Variants in DNAH17 observed in about 807,000 individuals in gnomAD.
DNAH17 encodes axonemal beta dynein heavy chain 17.
Under a neutral mutation model 485.6 loss-of-function variants are expected in DNAH17, and 376 were observed. The observed-to-expected ratio is 0.77, with a 90% CI of 0.71 to 0.84. The LOEUF is 0.84. DNAH17 is among the 40% of genes least tolerant of loss of function. The probability of loss-of-function intolerance (pLI) is 0.00; values close to 1 mark genes in which losing one functional copy is unlikely to be tolerated. For synonymous variants in DNAH17, 3,031 were observed against 2,405.9 expected, an observed-to-expected ratio of 1.26 and a Z score of -7.60; for missense variants, 6,370 against 5,839.3, an observed-to-expected ratio of 1.09 and a Z score of -2.96.
At chr17:78,448,776 C>T (rs4969189) in intron 69 of DNAH17, among the ~76,000 whole-genome samples, 84,169 of 152,010 alleles carry the variant, frequency 0.55, 24,677 homozygotes, top group Admixed American at 0.7. Flanking sequence ...GAGTTTGGCC[C>T]GTTTTGTGCT....
chr17:78,567,363 G>GGGAT (rs1212886936), intron 9 of DNAH17, among the ~76,000 whole-genome samples, 197 bp from the exon 10 acceptor site: 5 of 152,054 alleles, frequency 3.3e-5, no homozygotes, highest in African/African-American at 1.2e-4. Context: ...GCAGAAAGAG[G>GGGAT]GGATGGAAGG....
intron 54 of DNAH17, among the ~76,000 whole-genome samples, chr17:78,471,176 G>A (rs1328520089): frequency 5.3e-5 from 8 of 152,184 alleles, no homozygotes; most frequent in Admixed American, 2.0e-4. Flanking sequence ...TCCATCCTTC[G>A]GAAGCAAGTC....
chr17:78,495,224 T>C, intron 38 of DNAH17, 127 bp from the exon 39 acceptor site: 1 of 1,269,150 alleles, frequency 7.9e-7, no homozygotes, highest in East Asian at 2.6e-5. Context: ...GTGTTGAACC[T>C]TCGGTCCTGG....
At chr17:78,551,714 A>C in intron 15 of DNAH17, 76 bp from the exon 16 acceptor site, 31 of 1,449,746 alleles carry the variant, frequency 2.1e-5, no homozygotes, top group Non-Finnish European at 2.7e-5. Flanking sequence ...TTGTAATCTC[A>C]GCCCTTTGGG....
intron 1 of DNAH17, among the ~76,000 whole-genome samples, chr17:78,575,987 G>A (rs934103706): frequency 3.9e-5 from 6 of 152,330 alleles, no homozygotes; most frequent in African/African-American, 1.4e-4. Flanking sequence ...GCAAAGGGTC[G>A]CCTGATGCTG....
chr17:78,433,327 G>A (rs2086746602), intron 75 of DNAH17, among the ~76,000 whole-genome samples: 1 of 152,198 alleles, frequency 6.6e-6, no homozygotes, highest in Non-Finnish European at 1.5e-5. Context: ...GGTACGTGCT[G>A]CTTACAGAGG....
At chr17:78,555,064 T>C (rs1186627192) in intron 14 of DNAH17, among the ~76,000 whole-genome samples, 1 of 152,180 alleles carries the variant, frequency 6.6e-6, no homozygotes, top group African/African-American at 2.4e-5. Context: ...GTGCTTTAAA[T>C]AGTGTACTTC....
intron 58 of DNAH17, 62 bp from the exon 59 acceptor site, chr17:78,460,319 T>C (rs1371618756): frequency 1.4e-6 from 2 of 1,441,410 alleles, no homozygotes; most frequent in Admixed American, 2.1e-5. Flanking sequence ...TGGGGGCGTG[T>C]ACGTGCATGT....
intron 9 of DNAH17, among the ~76,000 whole-genome samples, 162 bp from the exon 10 acceptor site, chr17:78,567,328 T>G (rs1416218750): frequency 6.6e-6 from 1 of 152,000 alleles, no homozygotes; most frequent in African/African-American, 2.4e-5. Flanking sequence ...TCTGTGCTGT[T>G]CTTTAAGCAA....
chr17:78,478,250 C>CATCACCATCACCAT (rs2089173960), intron 51 of DNAH17, among the ~76,000 whole-genome samples: 1 of 102,128 alleles, frequency 9.8e-6, no homozygotes, highest in African/African-American at 4.2e-5. Context: ...ATCATCACCA[C>CATCACCATCACCAT]CATCACCATT....
intron 52 of DNAH17, 166 bp from the exon 53 acceptor site, chr17:78,475,999 C>T (rs1952217265): frequency 7.1e-6 from 5 of 705,140 alleles, no homozygotes; most frequent in Middle Eastern, 2.9e-4. Flanking sequence ...CAGCAAACCA[C>T]TGGGGCAAAA....
At chr17:78,466,011 T>C (rs1247323369) in intron 56 of DNAH17, among the ~76,000 whole-genome samples, 1 of 152,004 alleles carries the variant, frequency 6.6e-6, no homozygotes. Context: ...GGGGAAGGGA[T>C]TGAGAAATCG....
At chr17:78,558,738 T>C (rs140852849) in intron 13 of DNAH17, among the ~76,000 whole-genome samples, 109 of 152,364 alleles carry the variant, frequency 7.2e-4, no homozygotes, top group African/African-American at 2.4e-3. Context: ...GGTCTTCACT[T>C]GTTTCCTCGC....
At chr17:78,462,772 T>A (rs2088201728) in intron 57 of DNAH17, 72 bp downstream of exon 57, 2 of 1,495,224 alleles carry the variant, frequency 1.3e-6, no homozygotes, top group Admixed American at 3.7e-5. Flanking sequence ...CGTGGATGCC[T>A]GTGACAGTAG....
At chr17:78,489,403 C>T (rs1180549523) in intron 44 of DNAH17, 1 of 152,346 alleles carries the variant, frequency 6.6e-6, no homozygotes, top group Non-Finnish European at 1.5e-5. Flanking sequence ...CAAGGCAGGA[C>T]TCGCCTCACT....
intron 77 of DNAH17, among the ~76,000 whole-genome samples, chr17:78,428,111 G>A (rs966312854): frequency 2.0e-5 from 3 of 152,164 alleles, no homozygotes; most frequent in African/African-American, 7.2e-5. Context: ...TGTGGCCACT[G>A]AGCGGCTCTG....
intron 19 of DNAH17, among the ~76,000 whole-genome samples, chr17:78,534,390 G>A (rs2091319314): frequency 6.6e-6 from 1 of 150,886 alleles, no homozygotes; most frequent in Non-Finnish European, 1.5e-5. Context: ...CCCTAGGGCT[G>A]GGCCGGGCCA....
rs1455323857 is a variant in DNAH17 at position 78,502,189 on chromosome 17, TAC to T, written c.5191-318_5191-317del. ...TATATTTTTACATATAAATCAATTA[TAC>T]ACACACAGAGTAACAGGTTGCATAA... On this transcript the variant is annotated intron_variant, in intron 33 of 80. Transcript: ENST00000389840. 8 of 401,034 alleles carry T rather than the reference TAC, an allele frequency of 2.0e-5. No homozygotes were observed. The East Asian group carries it at 3.1e-4, about 16-fold the overall frequency. 24.8% of individuals were successfully genotyped at this position (401,034 alleles called of 1,614,324 possible).
At chr17:78,435,293 C>T (rs971903074) in intron 74 of DNAH17, among the ~76,000 whole-genome samples, 7 of 152,160 alleles carry the variant, frequency 4.6e-5, no homozygotes, top group South Asian at 2.1e-4. Flanking sequence ...CCATCCGATC[C>T]GGTGCTTTTC....
Sources: gnomAD v4.1 joint callset for allele counts (sites outside exome capture counted in the v4.1 genomes callset) on GRCh38, gnomAD v4.1.1 for gene constraint, MANE v1.5 for transcripts, NCBI Gene and HGNC (gene_info 2026-07-23, HGNC 2026-07-21) for gene names.